The following MAML2 variants were observed in gnomAD, a reference collection of about 807,000 sequenced individuals.
MAML2 encodes the protein mastermind-like protein 2.
MAML2 carries 22 observed loss-of-function variants against 96.1 expected under a neutral mutation model. The ratio of observed to expected loss-of-function variants is 0.23; its 90% CI spans 0.16 to 0.33. MAML2 has a LOEUF of 0.33. MAML2 is among the 10% of genes least tolerant of loss of function. The pLI is 1.00. For synonymous variants in MAML2, 561 were observed against 521.3 expected, an observed-to-expected ratio of 1.08 and a Z score of -1.04; for missense variants, 1,367 against 1,392.4, an observed-to-expected ratio of 0.98 and a Z score of 0.29.
At chr11:96,175,884 G>A (rs1861379493) in intron 1 of MAML2, among the ~76,000 whole-genome samples, 1 of 152,160 alleles carries the variant, frequency 6.6e-6, no homozygotes, top group Non-Finnish European at 1.5e-5. Context: ...TTACAGGCAT[G>A]AGCCACAGCG....
At chr11:96,048,124 A>T (rs1481881221) in intron 2 of MAML2, among the ~76,000 whole-genome samples, 2 of 152,010 alleles carry the variant, frequency 1.3e-5, no homozygotes, top group Non-Finnish European at 2.9e-5. Flanking sequence ...CTCTGTTTGG[A>T]CAGCCAGTAC....
chr11:96,253,748 G>A (rs1159955225), intron 1 of MAML2, among the ~76,000 whole-genome samples: 1 of 152,188 alleles, frequency 6.6e-6, no homozygotes, highest in Non-Finnish European at 1.5e-5. Context: ...CCAGGATTTA[G>A]GGTATAATTC....
chr11:96,020,662 C>T (rs1041782823), intron 2 of MAML2, among the ~76,000 whole-genome samples: 9 of 152,190 alleles, frequency 5.9e-5, no homozygotes, highest in African/African-American at 2.2e-4. Flanking sequence ...CATGGATACA[C>T]TACTGTGAGC....
chr11:96,315,992 A>G (rs1462314858), intron 1 of MAML2, among the ~76,000 whole-genome samples: 1 of 152,248 alleles, frequency 6.6e-6, no homozygotes, highest in Admixed American at 6.5e-5. Flanking sequence ...CCTTGCCATC[A>G]TTCAGCAATA....
chr11:96,050,425 C>G (rs7125575), intron 2 of MAML2, among the ~76,000 whole-genome samples: 65,826 of 152,054 alleles, frequency 0.43, 14,894 homozygotes, highest in East Asian at 0.51. Context: ...AAGAATGAAT[C>G]CTTCACAGGG....
chr11:96,137,628 C>A (rs952275674), intron 1 of MAML2, among the ~76,000 whole-genome samples: 5 of 152,208 alleles, frequency 3.3e-5, no homozygotes, highest in African/African-American at 1.2e-4. Flanking sequence ...TCCACAAACT[C>A]ATTGACCATT....
At chr11:96,261,722 C>G (rs1380172508) in intron 1 of MAML2, among the ~76,000 whole-genome samples, 1 of 152,184 alleles carries the variant, frequency 6.6e-6, no homozygotes. Context: ...ATTACTTTGA[C>G]TACCTGAGCT....
chr11:96,116,091 C>G (rs574236620), intron 1 of MAML2, among the ~76,000 whole-genome samples: 70 of 152,266 alleles, frequency 4.6e-4, no homozygotes, highest in Middle Eastern at 3.4e-3. Flanking sequence ...TGTAGCAACA[C>G]AGACAGCAGA....
intron 2 of MAML2, among the ~76,000 whole-genome samples, chr11:96,083,928 G>A (rs911319937): frequency 6.6e-6 from 1 of 152,174 alleles, no homozygotes; most frequent in African/African-American, 2.4e-5. Flanking sequence ...TCCATATTAG[G>A]AGACCAGGGA....
chr11:96,069,983 C>T (rs1851889091), intron 2 of MAML2, among the ~76,000 whole-genome samples: 1 of 151,206 alleles, frequency 6.6e-6, no homozygotes, highest in Non-Finnish European at 1.5e-5. Context: ...AAGATCACGC[C>T]ACTGTACTCC....
intron 1 of MAML2, among the ~76,000 whole-genome samples, chr11:96,320,426 C>T (rs1330526620): frequency 6.6e-6 from 1 of 152,184 alleles, no homozygotes; most frequent in Admixed American, 6.5e-5. Flanking sequence ...TATACTCAAG[C>T]TCATGGCAAC....
chr11:96,169,181 G>T (rs1861241589), intron 1 of MAML2, among the ~76,000 whole-genome samples: 1 of 152,168 alleles, frequency 6.6e-6, no homozygotes, highest in Non-Finnish European at 1.5e-5. Flanking sequence ...TCATAAGAGA[G>T]AATAGTTTAC....
intron 2 of MAML2, among the ~76,000 whole-genome samples, chr11:96,052,324 G>A (rs16922940): frequency 0.054 from 8,242 of 152,130 alleles, 742 homozygotes; most frequent in African/African-American, 0.19. Flanking sequence ...CTTACCATGA[G>A]GCATCTACCA....
chr11:96,333,220 C>T (rs1007447691), intron 1 of MAML2, among the ~76,000 whole-genome samples: 1 of 152,108 alleles, frequency 6.6e-6, no homozygotes, highest in East Asian at 1.9e-4. Context: ...ATGTATGAAT[C>T]TGCCAGAATG....
chr11:96,183,903 T>A (rs982307180), intron 1 of MAML2, among the ~76,000 whole-genome samples: 3 of 152,212 alleles, frequency 2.0e-5, no homozygotes, highest in African/African-American at 7.2e-5. Flanking sequence ...CTAATTGAAA[T>A]GAGCATACCC....
intron 2 of MAML2, among the ~76,000 whole-genome samples, chr11:96,052,414 A>G (rs371016535): frequency 5.9e-5 from 9 of 152,206 alleles, no homozygotes; most frequent in East Asian, 3.8e-4. Flanking sequence ...GCTATTATTA[A>G]TGCTTATCAA....
chr11:96,070,586 C>T (rs1300797115), intron 2 of MAML2, among the ~76,000 whole-genome samples: 1 of 152,234 alleles, frequency 6.6e-6, no homozygotes, highest in Non-Finnish European at 1.5e-5. Context: ...TGTGTAGGCA[C>T]CTGGAGCTGC....
intron 1 of MAML2, among the ~76,000 whole-genome samples, chr11:96,339,117 C>T (rs985822312): frequency 6.6e-6 from 1 of 152,198 alleles, no homozygotes; most frequent in African/African-American, 2.4e-5. Flanking sequence ...CTATCCCTTA[C>T]CCTCCTAACT....
At chr11:96,059,254 A>G (rs974011918) in intron 2 of MAML2, among the ~76,000 whole-genome samples, 1 of 152,232 alleles carries the variant, frequency 6.6e-6, no homozygotes, top group African/African-American at 2.4e-5. Context: ...ACTTAAATGG[A>G]TGATAGAATT....
Sources: gnomAD v4.1 joint callset for allele counts (sites outside exome capture counted in the v4.1 genomes callset) on GRCh38, gnomAD v4.1.1 for gene constraint, MANE v1.5 for transcripts, NCBI Gene and HGNC (gene_info 2026-07-23, HGNC 2026-07-21) for gene names.